MYH7: variants seen among roughly 807,000 people sequenced by gnomAD.
MYH7 encodes the protein myosin-7.
MYH7 carries 129 observed loss-of-function variants against 225.4 expected under a neutral mutation model. The ratio of observed to expected loss-of-function variants is 0.57; its 90% CI spans 0.50 to 0.66. The LOEUF is 0.66. Ranked by LOEUF, MYH7 falls within the 30% of genes least tolerant of loss-of-function variation. The pLI is 0.00. For synonymous variants in MYH7, 971 were observed against 1,007.6 expected, an observed-to-expected ratio of 0.96 and a Z score of 0.69; for missense variants, 1,649 against 2,517.0, an observed-to-expected ratio of 0.66 and a Z score of 7.38.
Position 23,422,206 on chromosome 14 carries a change from C to T in MYH7, c.3219G>A (p.Lys1073=), listed in dbSNP as rs2138658751. The T allele has an allele frequency of 3.1e-6, 5 of 1,613,508 alleles. No individual in the cohort carries two copies. Among genetic ancestry groups the T allele is most frequent in the Non-Finnish European group, 4.2e-6 (5 of 1,180,026 alleles). The change falls in exon 25 of 40, where the codon AAG becomes AAA. Residue 1073 remains lysine (K), a synonymous_variant. Transcript: ENST00000355349. ...TTTTCAGCCGCTCATCCAGCTGCTG[C>T]TTGTCATTCTCCAGGTCCATGATGC... ...QESIMDLEND[K]QQLDERLKKK...
In MYH7 at chr14:23,420,097, G is replaced by A. The variant is rs587780395; in HGVS notation, c.3474C>T (p.Ser1158=). 1.6e-5 allele frequency: 25 copies of A among 1,602,402 alleles called. No individual in the cohort carries two copies. The highest frequency in any genetic ancestry group is 9.4e-5 in the African/African-American group (7 of 74,436). Residue 1158 remains serine (S), a synonymous_variant, in exon 27 of 40, where the codon TCC becomes TCT. Transcript: ENST00000355349. ...GCTTCTTGTTCATCTCGATCTGCAC[G>A]GACGTGGCCCCGCCGGCCTCTTCCA... ...ERLEEAGGAT[S]VQIEMNKKRE...
chr14:23,427,325 A>G lies in MYH7; in HGVS notation c.1889-18T>C. The stretch of plus-strand genomic sequence containing the variant: ...CTCAATAGCTGCAGGAAGGAGAGTC[A>G]ACAAAAGAAGCATCAGTGTGGGGAG... On this transcript the variant is annotated intron_variant, in intron 16 of 39. Coordinates refer to ENST00000355349, the MANE Select transcript of MYH7 (RefSeq NM_000257.4). The G allele has an allele frequency of 1.2e-6, 2 of 1,613,978 alleles. No individual in the cohort carries two copies. The highest frequency in any genetic ancestry group is 1.6e-4 in the Middle Eastern group (1 of 6,062).
chr14:23,433,078 A>G lies in MYH7; in HGVS notation c.345+6T>C. Reference sequence around the variant, plus strand: ...ATCCCAACGTAGGGCCAGGTGCAGCACTCACGTAGATCATCCAGGAGCCGT... The same window carrying G: ...ATCCCAACGTAGGGCCAGGTGCAGCGCTCACGTAGATCATCCAGGAGCCGT... On this transcript the variant is annotated splice_donor_region_variant and intron_variant, in intron 4 of 39. Coordinates refer to ENST00000355349, the MANE Select transcript of MYH7 (RefSeq NM_000257.4). This position sits in a 1 kb window ranked among gnomAD's most constrained non-coding sequence, Gnocchi z 4.1. 1 of 1,613,982 alleles carries G rather than the reference A, an allele frequency of 6.2e-7. No individual in the cohort carries two copies. The highest frequency in any genetic ancestry group is 8.5e-7 in the Non-Finnish European group (1 of 1,179,972).
At chr14:23,422,691 C>T (rs1278648273) in intron 24 of MYH7, among the ~76,000 whole-genome samples, 3 of 143,330 alleles carry the variant, frequency 2.1e-5, no homozygotes, top group East Asian at 2.1e-4. Context: ...AGTGCAGTGG[C>T]GCGATCTCGG....
intron 17 of MYH7, 115 bp downstream of exon 17, chr14:23,427,125 G>A: frequency 2.1e-6 from 2 of 940,594 alleles, no homozygotes; most frequent in Non-Finnish European, 3.2e-6. Flanking sequence ...GGTCCCGAAT[G>A]CACCAAGGAG....
Position 23,429,028 on chromosome 14 carries a change from G to A in MYH7, c.1334C>T (p.Ala445Val), listed in dbSNP as rs752349938. 3.5e-5 allele frequency: 57 copies of A among 1,614,086 alleles called. No homozygotes were observed. The highest frequency in any genetic ancestry group is 1.6e-4 in the Middle Eastern group (1 of 6,084). ...MFNWMVTRIN[A>V]TLETKQPRQY... is the part of the protein sequence containing the mutation. ...GCGTGGCTGCTTGGTCTCCAGGGTG[G>A]CATTGATGCGCGTCACCATCCAGTT... The change falls in exon 14 of 40, where the codon GCC (alanine) becomes GTC (valine). Residue 445 changes from alanine (A) to valine (V), a missense_variant. Physicochemically the swap from Ala to Val is moderately conservative, Grantham distance 64. Transcript: ENST00000355349.
At chr14:23,428,815 CAG>C in intron 14 of MYH7, 138 bp downstream of exon 14, 10 of 1,573,452 alleles carry the variant, frequency 6.4e-6, no homozygotes, top group Non-Finnish European at 8.6e-6. Flanking sequence ...CCCCTGAAGA[CAG>C]AGAAAATGAC....
At chr14:23,432,120 G>A (rs1892971402) in intron 6 of MYH7, among the ~76,000 whole-genome samples, 1 of 152,260 alleles carries the variant, frequency 6.6e-6, no homozygotes, top group South Asian at 2.1e-4. Context: ...GTAAACAGGG[G>A]AGATGGGCCT....
rs397516096 is a variant in MYH7, at chr14:23,429,039, C to T, written c.1323G>A (p.Thr441=). The change falls in exon 14 of 40, where the codon ACG becomes ACA. Residue 441 remains threonine (T), a synonymous_variant. Transcript: ENST00000355349. ...VYERMFNWMV[T]RINATLETKQ... is the part of the protein sequence containing the mutation. ...TGGTCTCCAGGGTGGCATTGATGCG[C>T]GTCACCATCCAGTTGAACATCCTCT... is the stretch of plus-strand genomic sequence containing the variant. The T allele has an allele frequency of 1.7e-4, 275 of 1,614,060 alleles. No homozygotes were observed. Among genetic ancestry groups the T allele is most frequent in the Non-Finnish European group, 2.1e-4 (253 of 1,180,036 alleles).
In MYH7 at chr14:23,425,742, T is replaced by A; in HGVS notation, c.2239A>T (p.Ser747Cys). The A allele has an allele frequency of 6.2e-7, 1 of 1,614,046 alleles. No homozygotes were observed. The highest frequency in any genetic ancestry group is 1.1e-5 in the South Asian group (1 of 91,080). The change falls in exon 20 of 40, where the codon AGC becomes TGC. Residue 747 changes from serine (S) to cysteine (C), a missense_variant. By Grantham distance (112) the Ser-to-Cys change is moderately radical. This residue lies in a region of MYH7 where 41 missense variants were observed against 124.8 expected (regional missense o/e 0.33). Coordinates refer to ENST00000355349, the MANE Select transcript of MYH7 (RefSeq NM_000257.4). The surrounding 1 kb of genome is among the most constrained non-coding windows in gnomAD (Gnocchi z 4.6). ...TGGTTGTGATCAATGTCCAGGGAGC[T>A]GAGCAGCTTCTCTGCCCCCTTCCTG... ...DSRKGAEKLL[S>C]SLDIDHNQYK...
chr14:23,435,332 C>G (rs76460385), intron 1 of MYH7, among the ~76,000 whole-genome samples: 1 of 151,734 alleles, frequency 6.6e-6, no homozygotes, highest in African/African-American at 2.4e-5. Context: ...GAGGTACATA[C>G]CCTTTCTCAC....
In MYH7 at chr14:23,433,107, G is replaced by A. The variant is rs1893015309; in HGVS notation, c.322C>T (p.Arg108Cys). 1.2e-6 allele frequency: 2 copies of A among 1,614,136 alleles called. No individual in the cohort carries two copies. Among genetic ancestry groups the A allele is most frequent in the South Asian group, 1.1e-5 (1 of 91,080 alleles). ...EPAVLYNLKD[R>C]YGSWMIYTYS... ...ACGTAGATCATCCAGGAGCCGTAGC[G>A]ATCCTTGAGGTTGTAGAGCACCGCG... is the stretch of plus-strand genomic sequence containing the variant. The change falls in exon 4 of 40, where the codon CGC becomes TGC. Residue 108 changes from arginine to cysteine, a missense_variant. Coordinates refer to ENST00000355349, the MANE Select transcript of MYH7 (RefSeq NM_000257.4). This position sits in a 1 kb window ranked among gnomAD's most constrained non-coding sequence, Gnocchi z 4.1.
At position 23,433,638 on chromosome 14, in the gene MYH7, T is replaced by C; in HGVS notation, c.95A>G (p.Asp32Gly). Residue 32 changes from aspartate (D) to glycine (G), a missense_variant, in exon 3 of 40, where the codon GAC becomes GGC. Coordinates refer to ENST00000355349, the MANE Select transcript of MYH7 (RefSeq NM_000257.4). The surrounding 1 kb of genome is among the most constrained non-coding windows in gnomAD (Gnocchi z 4.1). ...AGGCACGAAGACATCCTTCTTGAGG[T>C]CAAAAGGCCTGGTCTGCGCTTCTAG... ...ERLEAQTRPF[D>G]LKKDVFVPDD... is the part of the protein sequence containing the mutation. 6.2e-7 allele frequency: 1 copy of C among 1,614,206 alleles called. No homozygotes were observed. The highest frequency in any genetic ancestry group is 8.5e-7 in the Non-Finnish European group (1 of 1,180,036).
chr14:23,434,170 C>T lies in MYH7; in HGVS notation c.-9+24G>A, dbSNP rs45450195. ...ATGCCCAGTCTTACTAGATTTTCAA[C>T]ACTCTAGCTTCAGCTTTTCTTACCT... is the stretch of plus-strand genomic sequence containing the variant. On this transcript the variant is annotated intron_variant, in intron 2 of 39. Transcript: ENST00000355349. 1,898 of 1,071,484 alleles carry T rather than the reference C, an allele frequency of 1.8e-3. 4 individuals carry two copies. Among genetic ancestry groups the T allele is most frequent in the Non-Finnish European group, 2.0e-3 (1,764 of 880,042 alleles). The allele number at this position is 1,071,484 out of a possible 1,614,324, so 66.4% of individuals were successfully genotyped here. A position where few individuals can be genotyped will look rare whatever the true frequency, so the allele number is the denominator to read the frequency against.
intron 24 of MYH7, among the ~76,000 whole-genome samples, chr14:23,422,840 A>G (rs970783366): frequency 6.6e-6 from 1 of 152,170 alleles, no homozygotes; most frequent in African/African-American, 2.4e-5. Flanking sequence ...CATATTGGCC[A>G]GGATGGTCTC....
rs1039877778 is a variant in MYH7, at chr14:23,422,105, G to A, written c.3245+75C>T. 14 of 1,603,540 alleles carry A rather than the reference G, an allele frequency of 8.7e-6. No individual in the cohort carries two copies. The African/African-American group carries it at 1.3e-4, about 15-fold the overall frequency. ...GGCTGCGTGAGGTTGTTGCCTCAGA[G>A]GATGGCTGTCTTGGGTCTGCTTGTA... On this transcript the variant is annotated intron_variant, in intron 25 of 39. Coordinates refer to ENST00000355349, the MANE Select transcript of MYH7 (RefSeq NM_000257.4).
chr14:23,416,848 T>A lies in MYH7; in HGVS notation c.4644+20A>T, dbSNP rs752211806. On this transcript the variant is annotated intron_variant, in intron 33 of 39. Transcript: ENST00000355349. ...CTGGAGCTCAGCTCCCTGCACCCCG[T>A]GCCCTGCACACACACACACCTCGGC... 1 of 1,614,048 alleles carries A rather than the reference T, an allele frequency of 6.2e-7. No individual in the cohort carries two copies. Among genetic ancestry groups the A allele is most frequent in the Admixed American group, 1.7e-5 (1 of 60,030 alleles).
intron 18 of MYH7, among the ~76,000 whole-genome samples, chr14:23,426,470 T>C (rs1272015169): frequency 6.6e-6 from 1 of 152,172 alleles, no homozygotes; most frequent in Non-Finnish European, 1.5e-5. Context: ...ATTGGGGGAT[T>C]AAGTGGTTCT....
intron 11 of MYH7, 86 bp downstream of exon 11, chr14:23,430,474 G>A: frequency 9.3e-7 from 1 of 1,071,606 alleles, no homozygotes. Flanking sequence ...ACAACCAATG[G>A]CCAGCGTCTT....
Sources: allele counts gnomAD v4.1 joint callset (sites outside exome capture counted in the v4.1 genomes callset), GRCh38; gene constraint gnomAD v4.1.1; regional missense constraint gnomAD v4.1.1; non-coding constraint Gnocchi (gnomAD v3.1); transcripts MANE v1.5; gene names NCBI Gene and HGNC (gene_info 2026-07-23, HGNC 2026-07-21).